Variants in ZPBP observed in about 807,000 individuals in gnomAD.
The protein encoded by ZPBP is zona pellucida binding protein.
In ZPBP, 26 loss-of-function variants were observed where a neutral mutation model predicts 44.8. That is an observed-to-expected ratio of 0.58 (90% CI 0.43 to 0.81). ZPBP has a LOEUF of 0.81. ZPBP is among the 30% of genes least tolerant of loss of function. ZPBP has a pLI of 0.00. For missense variants in ZPBP, 409 were observed against 434.0 expected (o/e 0.94, Z 0.51); for synonymous variants, 174 against 153.2 (o/e 1.14, Z -1.00).
intron 6 of ZPBP, among the ~76,000 whole-genome samples, chr7:50,014,249 C>T (rs188880641): frequency 1.3e-5 from 2 of 151,974 alleles, no homozygotes; most frequent in African/African-American, 4.8e-5. Context: ...AGAAAATTGA[C>T]ATACAGGCTG....
chr7:49,929,184 T>C (rs536856878), intron 1 of ZPBP, among the ~76,000 whole-genome samples: 2 of 152,320 alleles, frequency 1.3e-5, no homozygotes, highest in East Asian at 3.9e-4. Context: ...CTCTAGACAT[T>C]GAGCCTCTTT....
chr7:49,982,348 T>C (rs1303295581), intron 7 of ZPBP, among the ~76,000 whole-genome samples: 14 of 128,420 alleles, frequency 1.1e-4, no homozygotes, highest in Non-Finnish European at 1.9e-4. Flanking sequence ...ATACATAATA[T>C]ATAATTATAT....
chr7:49,888,423 TA>T (rs979636043), intron 2 of ZPBP, among the ~76,000 whole-genome samples: 3 of 152,244 alleles, frequency 2.0e-5, no homozygotes, highest in African/African-American at 7.2e-5. Context: ...CTGATTTCAC[TA>T]CATTTTATTC....
At chr7:49,965,601 G>A (rs1017361328) in intron 7 of ZPBP, among the ~76,000 whole-genome samples, 1 of 152,032 alleles carries the variant, frequency 6.6e-6, no homozygotes, top group African/African-American at 2.4e-5. Flanking sequence ...GTAGTTACAT[G>A]AGTAAATACA....
downstream of ZPBP, among the ~76,000 whole-genome samples, chr7:49,848,379 C>T (rs985124368): frequency 6.6e-6 from 1 of 152,170 alleles, no homozygotes; most frequent in Non-Finnish European, 1.5e-5. Flanking sequence ...AGGAAGCAGG[C>T]GACGCCCTGC....
Position 50,093,038 on chromosome 7 carries a change from C to A in ZPBP, c.127+30G>T, listed in dbSNP as rs199948929. The stretch of plus-strand genomic sequence containing the variant: ...GTGGGGGAAGCTGCGGTTGTCCCTG[C>A]GGAGCCGGCAGGGCGGCGCGGACCC... On this transcript the variant is annotated intron_variant, in intron 1 of 7. Transcript: ENST00000046087. 209 of 1,586,544 alleles carry A rather than the reference C, an allele frequency of 1.3e-4. 1 individual carries two copies. In the African/African-American group the frequency reaches 2.5e-3, roughly 19 times the overall value.
At chr7:49,948,892 G>A (rs1409324920) in intron 7 of ZPBP, among the ~76,000 whole-genome samples, 1 of 152,120 alleles carries the variant, frequency 6.6e-6, no homozygotes, top group Non-Finnish European at 1.5e-5. Flanking sequence ...ATTGAAAGAA[G>A]TGTCTCAAAG....
intron 6 of ZPBP, among the ~76,000 whole-genome samples, chr7:50,010,064 G>T (rs1036271408): frequency 6.6e-6 from 1 of 152,086 alleles, no homozygotes; most frequent in African/African-American, 2.4e-5. Context: ...GTTTTCCCCA[G>T]AATTATATAT....
At chr7:50,008,393 A>C (rs180673289) in intron 6 of ZPBP, among the ~76,000 whole-genome samples, 1 of 152,142 alleles carries the variant, frequency 6.6e-6, no homozygotes, top group African/African-American at 2.4e-5. Flanking sequence ...CAAATAAAGG[A>C]AAAGACATCA....
downstream of ZPBP, among the ~76,000 whole-genome samples, chr7:49,845,990 T>A (rs1789934933): frequency 6.6e-6 from 1 of 152,230 alleles, no homozygotes; most frequent in African/African-American, 2.4e-5. Context: ...CTTGGTACAG[T>A]CATGATAAAA....
intron 3 of ZPBP, among the ~76,000 whole-genome samples, chr7:50,068,010 A>G (rs1039543226): frequency 6.6e-6 from 1 of 152,222 alleles, no homozygotes; most frequent in African/African-American, 2.4e-5. Flanking sequence ...ACATACAAGA[A>G]GAAAAGCTTA....
chr7:50,031,861 G>T (rs767802530), intron 4 of ZPBP, among the ~76,000 whole-genome samples: 1 of 151,578 alleles, frequency 6.6e-6, no homozygotes, highest in African/African-American at 2.4e-5. Context: ...TATATATTTT[G>T]CCCATCCCAA....
intron 6 of ZPBP, among the ~76,000 whole-genome samples, chr7:49,993,119 T>C (rs1797640600): frequency 6.6e-6 from 1 of 151,828 alleles, no homozygotes; most frequent in African/African-American, 2.4e-5. Context: ...AAATAAATAT[T>C]TAAAGTGTAC....
At chr7:49,845,514 A>T (rs1412397482), downstream of ZPBP, among the ~76,000 whole-genome samples, 1 of 152,208 alleles carries the variant, frequency 6.6e-6, no homozygotes, top group African/African-American at 2.4e-5. Context: ...TGGTGAAGGA[A>T]TATATCTGAG....
At chr7:50,073,279 T>C (rs2128844449) in intron 3 of ZPBP, among the ~76,000 whole-genome samples, 1 of 151,646 alleles carries the variant, frequency 6.6e-6, no homozygotes, top group Non-Finnish European at 1.5e-5. Context: ...TGCATCAGAG[T>C]CCTTTAACAG....
chr7:49,900,642 A>G (rs916153324), intron 2 of ZPBP, among the ~76,000 whole-genome samples: 2 of 151,844 alleles, frequency 1.3e-5, no homozygotes, highest in Non-Finnish European at 3.0e-5. Flanking sequence ...CTATATATAT[A>G]AAAGAGATAT....
chr7:49,852,906 G>C (rs1484246852), intron 2 of ZPBP, among the ~76,000 whole-genome samples: 1 of 152,218 alleles, frequency 6.6e-6, no homozygotes, highest in Admixed American at 6.5e-5. Flanking sequence ...GCACTCTGTG[G>C]ACTTGGGTAA....
At chr7:50,045,298 AG>A (rs1291115410) in intron 4 of ZPBP, among the ~76,000 whole-genome samples, 1 of 152,218 alleles carries the variant, frequency 6.6e-6, no homozygotes, top group East Asian at 1.9e-4. Flanking sequence ...AGTTCTGGCC[AG>A]GGCAATCAGG....
chr7:49,990,804 G>A (rs1179530703), intron 6 of ZPBP, among the ~76,000 whole-genome samples: 1 of 152,084 alleles, frequency 6.6e-6, no homozygotes, highest in Non-Finnish European at 1.5e-5. Context: ...AATATGACTG[G>A]AACAGCTTTA....
Sources: allele counts gnomAD v4.1 joint callset (sites outside exome capture counted in the v4.1 genomes callset), GRCh38; gene constraint gnomAD v4.1.1; transcripts MANE v1.5; gene names NCBI Gene and HGNC (gene_info 2026-07-23, HGNC 2026-07-21).